Variants in ZFP36 observed in about 807,000 individuals in gnomAD.
The protein encoded by ZFP36 is ZFP36 zinc finger CCCH-type.
A neutral mutation model predicts 19.8 loss-of-function variants in ZFP36; 13 were observed. The observed-to-expected ratio is 0.66, with a 90% CI of 0.43 to 1.04. The LOEUF (loss-of-function observed/expected upper bound fraction) is 1.04, where lower values mean the gene tolerates loss of function less well. Ranked by LOEUF, ZFP36 falls within the 50% of genes least tolerant of loss-of-function variation. The pLI, the probability that ZFP36 is intolerant of heterozygous loss-of-function variation, is 0.00. For synonymous variants in ZFP36, 191 were observed against 194.5 expected (o/e 0.98, Z 0.15); for missense variants, 354 against 441.6 (o/e 0.80, Z 1.78).
rs1240793294 is a variant in ZFP36 at position 39,407,935 on chromosome 19, C to G, written c.217C>G (p.Pro73Ala). 1 of 1,596,156 alleles carries G rather than the reference C, an allele frequency of 6.3e-7. No homozygotes were observed. The highest frequency in any genetic ancestry group is 8.5e-7 in the Non-Finnish European group (1 of 1,174,602). ...EGRSCGWVPPPPGFAPLAPRL... is the reference protein window; with the variant it reads ...EGRSCGWVPPAPGFAPLAPRL... ...CCGCAGCTGTGGCTGGGTGCCCCCA[C>G]CCCCTGGCTTCGCACCGCTGGCTCC... is the stretch of plus-strand genomic sequence containing the variant. Residue 73 changes from proline (P) to alanine (A), a missense_variant, in exon 2 of 2, where the codon CCC becomes GCC. Coordinates refer to ENST00000597629, the MANE Select transcript of ZFP36 (RefSeq NM_003407.5). This position sits in a 1 kb window ranked among gnomAD's most constrained non-coding sequence, Gnocchi z 7.6.
At position 39,408,357 on chromosome 19, in the gene ZFP36, C is replaced by G. The variant is rs1235812571; in HGVS notation, c.639C>G (p.Phe213Leu). ...LAGPSLSSSS[F>L]SPSSSPPPPG... ...GCCCTTCCCTGTCCTCCAGCTCCTT[C>G]TCGCCCTCCAGCTCCCCACCACCAC... The change falls in exon 2 of 2, where the codon TTC (phenylalanine) becomes TTG (leucine). Residue 213 changes from phenylalanine (F) to leucine (L), a missense_variant. Transcript: ENST00000597629. This position sits in a 1 kb window ranked among gnomAD's most constrained non-coding sequence, Gnocchi z 6.0. 1.9e-6 allele frequency: 3 copies of G among 1,613,610 alleles called. No homozygotes were observed.
chr19:39,407,188 C>A lies in ZFP36; in HGVS notation c.24+260C>A. On this transcript the variant is annotated intron_variant, in intron 1 of 1. Transcript: ENST00000597629. The surrounding 1 kb of genome is among the most constrained non-coding windows in gnomAD (Gnocchi z 7.6). The stretch of plus-strand genomic sequence containing the variant: ...CCCATGCAAGTGGAAAGTCGGAGAA[C>A]TTTTCTCAGACCGAGGCTGCCTGGA... 1 of 541,326 alleles carries A rather than the reference C, an allele frequency of 1.8e-6. No individual in the cohort carries two copies. Among genetic ancestry groups the A allele is most frequent in the South Asian group, 2.3e-5 (1 of 43,562 alleles). The allele number at this position is 541,326 out of a possible 1,614,324, so 33.5% of individuals were successfully genotyped here.
At position 39,407,989 on chromosome 19, in the gene ZFP36, C is replaced by A; in HGVS notation, c.271C>A (p.Pro91Thr). 2.5e-6 allele frequency: 4 copies of A among 1,609,726 alleles called. No individual in the cohort carries two copies. The highest frequency in any genetic ancestry group is 3.4e-6 in the Non-Finnish European group (4 of 1,179,666). ...CCTGGGCCCTGAGCTGTCACCCTCA[C>A]CCACTTCGCCCACTGCAACCTCCAC... ...PRLGPELSPS[P>T]TSPTATSTTP... The change falls in exon 2 of 2, where the codon CCC becomes ACC. Residue 91 changes from proline (P) to threonine (T), a missense_variant. Transcript: ENST00000597629. This position sits in a 1 kb window ranked among gnomAD's most constrained non-coding sequence, Gnocchi z 7.6.
rs202141928 is a variant in ZFP36, at chr19:39,407,781, C to T, written c.63C>T (p.Ser21=). Residue 21 remains serine, a synonymous_variant, in exon 2 of 2, where the codon TCC becomes TCT. Transcript: ENST00000597629. The surrounding 1 kb of genome is among the most constrained non-coding windows in gnomAD (Gnocchi z 7.6). ...TGAGCCCTGACGTGCCCGTGCCATC[C>T]GACCATGGAGGGACTGAGTCCAGCC... ...LSLSPDVPVP[S]DHGGTESSPG... The T allele has an allele frequency of 2.8e-5, 43 of 1,558,096 alleles. No individual in the cohort carries two copies. Among genetic ancestry groups the T allele is most frequent in the Non-Finnish European group, 2.9e-5 (34 of 1,156,710 alleles).
At chr19:39,406,990 C>G in intron 1 of ZFP36, 62 bp downstream of exon 1, 2 of 1,587,438 alleles carry the variant, frequency 1.3e-6, no homozygotes, top group Non-Finnish European at 1.7e-6. Context: ...CCCCACCTCT[C>G]TAGCGCCGCA....
At position 39,407,739 on chromosome 19, in the gene ZFP36, G is replaced by A. The variant is rs369652708; in HGVS notation, c.25-4G>A. ...CAGGTGCCTTAACCGACCCATTTCCGCAGAGCCTCCTGTCGCTGAGCCCTG... is the reference window on the plus strand; with the variant it reads ...CAGGTGCCTTAACCGACCCATTTCCACAGAGCCTCCTGTCGCTGAGCCCTG... On this transcript the variant is annotated splice_polypyrimidine_tract_variant and splice_region_variant and intron_variant, in intron 1 of 1. Transcript: ENST00000597629. The surrounding 1 kb of genome is among the most constrained non-coding windows in gnomAD (Gnocchi z 7.6). 3.9e-6 allele frequency: 6 copies of A among 1,522,916 alleles called. No individual in the cohort carries two copies. The African/African-American group carries it at 8.3e-5, about 21-fold the overall frequency. The allele number at this position is 1,522,916 out of a possible 1,614,324, so 94.3% of individuals were successfully genotyped here. A position where few individuals can be genotyped will look rare whatever the true frequency, so the allele number is the denominator to read the frequency against.
In ZFP36 at chr19:39,408,696, G is replaced by C. The variant is rs546629993; in HGVS notation, c.978G>C (p.Glu326Asp). 1 of 1,553,696 alleles carries C rather than the reference G, an allele frequency of 6.4e-7. No homozygotes were observed. Among genetic ancestry groups the C allele is most frequent in the Non-Finnish European group, 8.7e-7 (1 of 1,156,004 alleles). The change falls in exon 2 of 2, where the codon GAG (glutamate) becomes GAC (aspartate). Residue 326 changes from glutamate (E) to aspartate (D), a missense_variant. Coordinates refer to ENST00000597629, the MANE Select transcript of ZFP36 (RefSeq NM_003407.5). This position sits in a 1 kb window ranked among gnomAD's most constrained non-coding sequence, Gnocchi z 6.0. ...TCTTCAATCGCATCTCTGTTTCTGA[G>C]TGACAAAGTGACTGCCCGGTCAGAT... ...LPIFNRISVS[E>D]
At position 39,407,686 on chromosome 19, in the gene ZFP36, G is replaced by A; in HGVS notation, c.25-57G>A. 2 of 1,461,644 alleles carry A rather than the reference G, an allele frequency of 1.4e-6. No homozygotes were observed. The highest frequency in any genetic ancestry group is 2.3e-5 in the Admixed American group (1 of 43,184). The allele number at this position is 1,461,644 out of a possible 1,614,324, so 90.5% of individuals were successfully genotyped here. ...GCCTGGCAAGCTCTAGTTCCCTGCA[G>A]CTGGGGTGGGGCGTCGCCCTGCATT... On this transcript the variant is annotated intron_variant, in intron 1 of 1. Transcript: ENST00000597629. This position sits in a 1 kb window ranked among gnomAD's most constrained non-coding sequence, Gnocchi z 7.6.
Position 39,407,381 on chromosome 19 carries a change from T to G in ZFP36, c.25-362T>G. The G allele has an allele frequency of 2.4e-6, 1 of 413,194 alleles. No individual in the cohort carries two copies. The highest frequency in any genetic ancestry group is 4.3e-6 in the Non-Finnish European group (1 of 234,286). The allele number at this position is 413,194 out of a possible 1,614,324, so 25.6% of individuals were successfully genotyped here. On this transcript the variant is annotated intron_variant, in intron 1 of 1. Coordinates refer to ENST00000597629, the MANE Select transcript of ZFP36 (RefSeq NM_003407.5). The surrounding 1 kb of genome is among the most constrained non-coding windows in gnomAD (Gnocchi z 7.6). ...CCCTAAAACCGAAGCAATCCGGACT[T>G]CCAGGTCAACTTTGCCCGGTTTCTC...
Position 39,409,008 on chromosome 19 carries a change from C to G in ZFP36, c.*309C>G, listed in dbSNP as rs1377824285. ...CCTCTTCCCTGCCCAAATCTGTCTC[C>G]TAGAATCTTATGTGCTGTGAATAAT... is the stretch of plus-strand genomic sequence containing the variant. On this transcript the variant is annotated 3_prime_UTR_variant, in exon 2 of 2. Coordinates refer to ENST00000597629, the MANE Select transcript of ZFP36 (RefSeq NM_003407.5). The G allele has an allele frequency of 8.0e-6, 2 of 251,228 alleles. No individual in the cohort carries two copies. The highest frequency in any genetic ancestry group is 4.5e-5 in the African/African-American group (2 of 44,584). 15.6% of individuals were successfully genotyped at this position (251,228 alleles called of 1,614,324 possible).
Position 39,408,611 on chromosome 19 carries a change from T to A in ZFP36, c.893T>A (p.Val298Asp). 2 of 1,610,838 alleles carry A rather than the reference T, an allele frequency of 1.2e-6. No homozygotes were observed. The highest frequency in any genetic ancestry group is 8.5e-7 in the Non-Finnish European group (1 of 1,178,674). ...AGCCTGGGGGGCTCTGACTCTCCCG[T>A]CTTCGAGGCGGGAGTTTTTGCACCA... is the stretch of plus-strand genomic sequence containing the variant. ...GSSLGGSDSP[V>D]FEAGVFAPPQ... is the part of the protein sequence containing the mutation. The change falls in exon 2 of 2, where the codon GTC (valine) becomes GAC (aspartate). Residue 298 changes from valine (V) to aspartate (D), a missense_variant. By Grantham distance (152) the Val-to-Asp change is radical. Transcript: ENST00000597629. This position sits in a 1 kb window ranked among gnomAD's most constrained non-coding sequence, Gnocchi z 6.0.
rs1284087275 is a variant in ZFP36, at chr19:39,408,263, G to A, written c.545G>A (p.Arg182His). The A allele has an allele frequency of 1.9e-6, 3 of 1,613,622 alleles. No individual in the cohort carries two copies. Among genetic ancestry groups the A allele is most frequent in the South Asian group, 2.2e-5 (2 of 91,064 alleles). ...LAAPGHPPVL[R>H]QSISFSGLPS... is the part of the protein sequence containing the mutation. ...GCCCCGGGCCACCCTCCTGTGCTTC[G>A]CCAGAGCATCAGCTTCTCCGGCCTG... is the stretch of plus-strand genomic sequence containing the variant. Residue 182 changes from arginine (R) to histidine (H), a missense_variant, in exon 2 of 2, where the codon CGC becomes CAC. By Grantham distance (29) the Arg-to-His change is conservative (BLOSUM62 0). Coordinates refer to ENST00000597629, the MANE Select transcript of ZFP36 (RefSeq NM_003407.5). The surrounding 1 kb of genome is among the most constrained non-coding windows in gnomAD (Gnocchi z 6.0).
intron 1 of ZFP36, 38 bp downstream of exon 1, chr19:39,406,966 G>A: frequency 6.2e-7 from 1 of 1,607,438 alleles, no homozygotes; most frequent in Admixed American, 1.7e-5. Flanking sequence ...GTACCTGCAT[G>A]CCTGAGTCCG....
rs201728068 is a variant in ZFP36, at chr19:39,406,862, C to G, written c.-43C>G. 6.3e-7 allele frequency: 1 copy of G among 1,595,456 alleles called. No individual in the cohort carries two copies. The highest frequency in any genetic ancestry group is 1.4e-5 in the African/African-American group (1 of 73,436). On this transcript the variant is annotated 5_prime_UTR_variant, in exon 1 of 2. Transcript: ENST00000597629. Reference sequence around the variant, plus strand: ...TGCCAGCCTCAGCCTGACTTCAGCGCTCCCACTCTCGGCCGACACCCCTCA... The same window carrying G: ...TGCCAGCCTCAGCCTGACTTCAGCGGTCCCACTCTCGGCCGACACCCCTCA...
In ZFP36 at chr19:39,408,403, C is replaced by A; in HGVS notation, c.685C>A (p.Pro229Thr). 1 of 1,613,992 alleles carries A rather than the reference C, an allele frequency of 6.2e-7. No homozygotes were observed. The highest frequency in any genetic ancestry group is 1.7e-5 in the Admixed American group (1 of 60,032). ...PPPPGDLPLS[P>T]SAFSAAPGTP... Reference sequence around the variant, plus strand: ...ACCACCTGGGGACCTTCCACTGTCACCCTCTGCCTTCTCTGCTGCCCCTGG... The same window carrying A: ...ACCACCTGGGGACCTTCCACTGTCAACCTCTGCCTTCTCTGCTGCCCCTGG... The change falls in exon 2 of 2, where the codon CCC becomes ACC. Residue 229 changes from proline to threonine, a missense_variant. Pro to Thr is a conservative substitution (Grantham distance 38, BLOSUM62 -1). Transcript: ENST00000597629. This position sits in a 1 kb window ranked among gnomAD's most constrained non-coding sequence, Gnocchi z 6.0.
Position 39,407,868 on chromosome 19 carries a change from C to A in ZFP36, c.150C>A (p.Val50=), listed in dbSNP as rs754045428. The A allele has an allele frequency of 3.1e-6, 5 of 1,604,942 alleles. 1 individual carries two copies. The highest frequency in any genetic ancestry group is 4.2e-6 in the Non-Finnish European group (5 of 1,179,266). The change falls in exon 2 of 2, where the codon GTC becomes GTA. Residue 50 remains valine, a synonymous_variant. Coordinates refer to ENST00000597629, the MANE Select transcript of ZFP36 (RefSeq NM_003407.5). This position sits in a 1 kb window ranked among gnomAD's most constrained non-coding sequence, Gnocchi z 7.6. ...LSPSDSSPSG[V]TSRLPGRSTS... ...CCTCCGACTCCAGCCCGTCTGGGGT[C>A]ACCTCCCGCCTGCCTGGCCGCTCCA... is the stretch of plus-strand genomic sequence containing the variant.
intron 1 of ZFP36, 58 bp downstream of exon 1, chr19:39,406,986 C>A: frequency 6.3e-7 from 1 of 1,590,928 alleles, no homozygotes; most frequent in Non-Finnish European, 8.6e-7. Context: ...GAGTCCCCAC[C>A]TCTCTAGCGC....
chr19:39,408,852 C>T lies in ZFP36; in HGVS notation c.*153C>T, dbSNP rs892430220. 3.1e-5 allele frequency: 22 copies of T among 698,492 alleles called. No homozygotes were observed. Among genetic ancestry groups the T allele is most frequent in the African/African-American group, 3.1e-4 (17 of 55,220 alleles). 43.3% of individuals were successfully genotyped at this position (698,492 alleles called of 1,614,324 possible). On this transcript the variant is annotated 3_prime_UTR_variant, in exon 2 of 2. Coordinates refer to ENST00000597629, the MANE Select transcript of ZFP36 (RefSeq NM_003407.5). The surrounding 1 kb of genome is among the most constrained non-coding windows in gnomAD (Gnocchi z 6.0). ...GAATGCATTAACCCACTCCCCTGAC[C>T]TCACGCTGGGGCAGGTCCCCAAGTG...
Position 39,407,774 on chromosome 19 carries a change from T to C in ZFP36, c.56T>C (p.Val19Ala), listed in dbSNP as rs767922806. Residue 19 changes from valine (V) to alanine (A), a missense_variant, in exon 2 of 2, where the codon GTG becomes GCG. Val to Ala is a moderately conservative substitution (Grantham distance 64). Coordinates refer to ENST00000597629, the MANE Select transcript of ZFP36 (RefSeq NM_003407.5). This position sits in a 1 kb window ranked among gnomAD's most constrained non-coding sequence, Gnocchi z 7.6. ...CTGTCGCTGAGCCCTGACGTGCCCG[T>C]GCCATCCGACCATGGAGGGACTGAG... ...SLLSLSPDVPVPSDHGGTESS... is the reference protein window; with the variant it reads ...SLLSLSPDVPAPSDHGGTESS... 2.6e-6 allele frequency: 4 copies of C among 1,554,690 alleles called. No homozygotes were observed. Among genetic ancestry groups the C allele is most frequent in the African/African-American group, 1.4e-5 (1 of 72,774 alleles).
Sources: allele counts gnomAD v4.1 joint callset, GRCh38; gene constraint gnomAD v4.1.1; non-coding constraint Gnocchi (gnomAD v3.1); transcripts MANE v1.5; gene names NCBI Gene and HGNC (gene_info 2026-07-23, HGNC 2026-07-21).